Variants in PRKG1 observed in about 807,000 individuals in gnomAD.
The protein encoded by PRKG1 is protein kinase cGMP-dependent 1, also known as cGMP-dependent protein kinase 1.
A neutral mutation model predicts 88.1 loss-of-function variants in PRKG1; 35 were observed. The ratio of observed to expected loss-of-function variants is 0.40; its 90% confidence interval spans 0.30 to 0.53. The LOEUF is 0.53. PRKG1 is among the 20% of genes least tolerant of loss of function. The pLI, the probability that PRKG1 is intolerant of heterozygous loss-of-function variation, is 0.59. For synonymous variants in PRKG1, 303 were observed against 292.5 expected, an observed-to-expected ratio of 1.04 and a Z score of -0.37; for missense variants, 540 against 839.8, an observed-to-expected ratio of 0.64 and a Z score of 4.41.
chr10:51,992,641 A>G (rs1844342931), intron 5 of PRKG1, among the ~76,000 whole-genome samples: 1 of 152,092 alleles, frequency 6.6e-6, no homozygotes, highest in Admixed American at 6.6e-5. Context: ...TTTTCTCTAA[A>G]TTGCAACAGC....
chr10:51,479,412 G>A (rs1279277349), intron 3 of PRKG1, among the ~76,000 whole-genome samples: 4 of 151,956 alleles, frequency 2.6e-5, no homozygotes, highest in Non-Finnish European at 5.9e-5. Context: ...TAATTATCAT[G>A]TTCAGTTCTG....
intron 6 of PRKG1, among the ~76,000 whole-genome samples, chr10:52,055,428 G>T (rs1846087414): frequency 6.6e-6 from 1 of 152,030 alleles, no homozygotes. Flanking sequence ...GTAGACAAGG[G>T]TTATGAATGA....
intron 4 of PRKG1, among the ~76,000 whole-genome samples, chr10:51,809,460 T>C (rs1839395831): frequency 6.6e-6 from 1 of 152,216 alleles, no homozygotes; most frequent in African/African-American, 2.4e-5. Context: ...CAGAGTTAAT[T>C]TGTGTTACTT....
intron 2 of PRKG1, among the ~76,000 whole-genome samples, chr10:51,341,800 C>G (rs907357303): frequency 6.6e-6 from 1 of 152,080 alleles, no homozygotes; most frequent in African/African-American, 2.4e-5. Flanking sequence ...TCAGAGTTCC[C>G]CATGGCTGGG....
At chr10:52,103,288 C>T (rs543526657) in intron 7 of PRKG1, among the ~76,000 whole-genome samples, 1 of 152,172 alleles carries the variant, frequency 6.6e-6, no homozygotes, top group Middle Eastern at 3.4e-3. Context: ...AAAAGTCAGA[C>T]AGAAATTACA....
rs745668547 is a variant in PRKG1 at position 52,271,373 on chromosome 10, C to T, written c.1197C>T (p.Ser399=). 6.2e-7 allele frequency: 1 copy of T among 1,612,644 alleles called. No individual in the cohort carries two copies. The highest frequency in any genetic ancestry group is 8.5e-7 in the Non-Finnish European group (1 of 1,179,160). ...VELVQLKSEE[S]KTFAMKILKK... is the part of the protein sequence containing the mutation. ...AGGTCCAGTTGAAAAGTGAAGAATC[C>T]AAAACGTTTGCAATGAAGATTCTCA... The change falls in exon 11 of 18, where the codon TCC becomes TCT. Residue 399 remains serine (S), a synonymous_variant. Coordinates refer to ENST00000373980, the MANE Select transcript of PRKG1 (RefSeq NM_006258.4).
chr10:51,031,424 C>A (rs535320146), intron 1 of PRKG1, among the ~76,000 whole-genome samples: 3 of 152,244 alleles, frequency 2.0e-5, no homozygotes, highest in Non-Finnish European at 2.9e-5. Context: ...AAAGAGATGG[C>A]AGCTTCTCAA....
At chr10:51,004,369 G>A (rs1842920196) in intron 1 of PRKG1, among the ~76,000 whole-genome samples, 1 of 152,168 alleles carries the variant, frequency 6.6e-6, no homozygotes, top group Admixed American at 6.5e-5. Context: ...TGAGGCAGGA[G>A]AAGTGCTTGA....
At chr10:51,011,541 A>G (rs1842994226) in intron 1 of PRKG1, among the ~76,000 whole-genome samples, 3 of 152,250 alleles carry the variant, frequency 2.0e-5, no homozygotes, top group South Asian at 2.1e-4. Context: ...GGATTTGTCT[A>G]TAAGTAATTT....
intron 2 of PRKG1, among the ~76,000 whole-genome samples, chr10:51,193,586 T>A (rs1371581073): frequency 6.6e-6 from 1 of 152,072 alleles, no homozygotes; most frequent in African/African-American, 2.4e-5. Context: ...AGGGAGCTCC[T>A]GTATGAAATG....
chr10:51,159,006 T>G (rs1457209400), intron 2 of PRKG1, among the ~76,000 whole-genome samples: 1 of 152,088 alleles, frequency 6.6e-6, no homozygotes, highest in African/African-American at 2.4e-5. Context: ...AGTAAGTTGG[T>G]TGATACAGTG....
At chr10:52,163,225 T>TGTG (rs1744001262) in intron 9 of PRKG1, among the ~76,000 whole-genome samples, 1 of 146,766 alleles carries the variant, frequency 6.8e-6, no homozygotes, top group African/African-American at 2.5e-5. Flanking sequence ...TTTCGTGTGT[T>TGTG]TGTGTGTGTG....
chr10:51,651,673 T>C (rs1840042813), intron 3 of PRKG1, among the ~76,000 whole-genome samples: 4 of 151,748 alleles, frequency 2.6e-5, no homozygotes, highest in Non-Finnish European at 5.9e-5. Context: ...AACCTCTGCC[T>C]CCCAGGTTCA....
chr10:51,773,009 C>A (rs1838344599), intron 3 of PRKG1, among the ~76,000 whole-genome samples: 1 of 152,014 alleles, frequency 6.6e-6, no homozygotes, highest in South Asian at 2.1e-4. Flanking sequence ...TAAAAATTAT[C>A]TTTTCAATAG....
At chr10:51,358,389 T>A (rs1842410610) in intron 2 of PRKG1, among the ~76,000 whole-genome samples, 1 of 151,806 alleles carries the variant, frequency 6.6e-6, no homozygotes, top group Non-Finnish European at 1.5e-5. Flanking sequence ...GGTTAGGGGA[T>A]AGGAGTAGAC....
At chr10:51,559,508 A>G (rs1837402394) in intron 3 of PRKG1, among the ~76,000 whole-genome samples, 2 of 152,048 alleles carry the variant, frequency 1.3e-5, no homozygotes, top group African/African-American at 4.8e-5. Context: ...CAAATGGGAA[A>G]CTCACAAACC....
rs146862905 is a variant in PRKG1, at chr10:52,228,553, C to T, written c.1077-23017C>T. On this transcript the variant is annotated intron_variant, in intron 9 of 17. Coordinates refer to ENST00000373980, the MANE Select transcript of PRKG1 (RefSeq NM_006258.4). ...CAGTGGTTCTTAATGCTCTTCTATG[C>T]GTTTCCTGTTTCATTTTACCTGAGC... Among the ~76,000 whole-genome samples, 388 of 152,314 alleles carry T rather than the reference C, an allele frequency of 2.5e-3. 2 individuals carry two copies. Among genetic ancestry groups the T allele is most frequent in the Middle Eastern group, 0.01 (3 of 294 alleles).
At chr10:52,103,742 T>C (rs1564470091) in intron 7 of PRKG1, among the ~76,000 whole-genome samples, 1 of 151,896 alleles carries the variant, frequency 6.6e-6, no homozygotes. Flanking sequence ...ATATATATGT[T>C]GTTGAGGAGA....
Position 51,848,641 on chromosome 10 carries a change from G to T in PRKG1, c.698+43951G>T, listed in dbSNP as rs916133496. Among the ~76,000 whole-genome samples, 4 of 118,646 alleles carry T rather than the reference G, an allele frequency of 3.4e-5. No homozygotes were observed. The East Asian group carries it at 7.8e-4, about 23-fold the overall frequency. 77.8% of individuals were successfully genotyped at this position (118,646 alleles called of 152,430 possible). ...ATTCTGTGTGTCTGTATCTGTGTGT[G>T]TGTGTGTGTGTGTGTGTGTGTGTGT... On this transcript the variant is annotated intron_variant, in intron 4 of 17. Coordinates refer to ENST00000373980, the MANE Select transcript of PRKG1 (RefSeq NM_006258.4).
Sources: gnomAD v4.1 joint callset for allele counts (sites outside exome capture counted in the v4.1 genomes callset) on GRCh38, gnomAD v4.1.1 for gene constraint, MANE v1.5 for transcripts, NCBI Gene and HGNC (gene_info 2026-07-23, HGNC 2026-07-21) for gene names.